Variants in ERICH5 observed in about 807,000 individuals in gnomAD.
The protein encoded by ERICH5 is glutamate rich 5, also known as glutamate-rich protein 5.
In ERICH5, 24 loss-of-function variants were observed where a neutral mutation model predicts 28.0. The observed-to-expected ratio is 0.86, with a 90% CI of 0.62 to 1.21. The LOEUF (loss-of-function observed/expected upper bound fraction) is 1.21. Ranked by LOEUF, ERICH5 falls within the 50% of genes most tolerant of loss-of-function variation. ERICH5 has a pLI of 0.00. For synonymous variants in ERICH5, 163 were observed against 157.6 expected, an observed-to-expected ratio of 1.03 and a Z score of -0.25; for missense variants, 421 against 441.2, an observed-to-expected ratio of 0.95 and a Z score of 0.41.
At chr8:98,066,490 C>T (rs1213305448) in intron 1 of ERICH5, among the ~76,000 whole-genome samples, 1 of 152,160 alleles carries the variant, frequency 6.6e-6, no homozygotes, top group Non-Finnish European at 1.5e-5. Context: ...TTAATCCTCT[C>T]AGAAAATAAT....
chr8:98,078,018 A>G (rs2130518878), intron 1 of ERICH5, among the ~76,000 whole-genome samples: 1 of 152,262 alleles, frequency 6.6e-6, no homozygotes, highest in East Asian at 1.9e-4. Context: ...ATTTTTATTT[A>G]CCCTCAAATC....
At chr8:98,082,872 A>G (rs931603184) in intron 1 of ERICH5, among the ~76,000 whole-genome samples, 1 of 152,214 alleles carries the variant, frequency 6.6e-6, no homozygotes, top group African/African-American at 2.4e-5. Flanking sequence ...CCCTGTCTCA[A>G]CAACGACAAT....
intron 1 of ERICH5, among the ~76,000 whole-genome samples, chr8:98,079,166 C>CCT (rs1815123662): frequency 1.3e-5 from 1 of 75,576 alleles, no homozygotes. Flanking sequence ...TTTTTTTTTC[C>CCT]TTTTTTTTTT....
intron 2 of ERICH5, among the ~76,000 whole-genome samples, 158 bp downstream of exon 2, chr8:98,090,187 G>C (rs1815359105): frequency 6.6e-6 from 1 of 152,194 alleles, no homozygotes; most frequent in South Asian, 2.1e-4. Context: ...GCCTGGGAAA[G>C]AGGCATTCTA....
In ERICH5 at chr8:98,089,399, G is replaced by C. The variant is rs755408926; in HGVS notation, c.382G>C (p.Glu128Gln). 2 of 1,614,232 alleles carry C rather than the reference G, an allele frequency of 1.2e-6. No homozygotes were observed. ...PGGKEDAPAA[E>Q]GKKKDAGAGT... ...TGGCAAAGAGGATGCCCCAGCAGCA[G>C]AAGGAAAGAAGAAAGATGCAGGAGC... The change falls in exon 2 of 3, where the codon GAA (glutamate) becomes CAA (glutamine). Residue 128 changes from glutamate to glutamine, a missense_variant. By Grantham distance (29) the Glu-to-Gln change is conservative. Transcript: ENST00000318528.
chr8:98,065,859 ATGT>A (rs1458193280), intron 1 of ERICH5, among the ~76,000 whole-genome samples: 1 of 152,100 alleles, frequency 6.6e-6, no homozygotes, highest in African/African-American at 2.4e-5. Context: ...TCTTCCTCTG[ATGT>A]TGTTGGTAGA....
chr8:98,092,685 A>G (rs1236431691), intron 2 of ERICH5, among the ~76,000 whole-genome samples: 1 of 152,084 alleles, frequency 6.6e-6, no homozygotes, highest in Non-Finnish European at 1.5e-5. Flanking sequence ...CATTTCTTTC[A>G]TAAGAGTATG....
At chr8:98,091,830 T>TTTTCTTTTTC (rs1554621687) in intron 2 of ERICH5, among the ~76,000 whole-genome samples, 36 of 147,056 alleles carry the variant, frequency 2.4e-4, no homozygotes, top group African/African-American at 8.6e-4. Flanking sequence ...TTTTCTTTCT[T>TTTTCTTTTTC]TTTCTTTTTC....
chr8:98,082,113 A>C (rs541684649), intron 1 of ERICH5, among the ~76,000 whole-genome samples: 3 of 152,238 alleles, frequency 2.0e-5, no homozygotes, highest in African/African-American at 7.2e-5. Flanking sequence ...GCAATTAATC[A>C]ATATAAATTA....
chr8:98,091,838 TTCTTTC>T (rs1299610995), intron 2 of ERICH5, among the ~76,000 whole-genome samples: 16 of 52,096 alleles, frequency 3.1e-4, no homozygotes, highest in South Asian at 7.8e-4. Context: ...CTTTTTCTTT[TTCTTTC>T]TTTCTTTCTT....
At chr8:98,088,501 T>C (rs1220100778) in intron 1 of ERICH5, among the ~76,000 whole-genome samples, 1 of 152,168 alleles carries the variant, frequency 6.6e-6, no homozygotes, top group African/African-American at 2.4e-5. Flanking sequence ...GGCTGAACTG[T>C]CTCTGCTACT....
intron 1 of ERICH5, among the ~76,000 whole-genome samples, chr8:98,081,311 G>A (rs886619714): frequency 1.3e-5 from 2 of 151,912 alleles, no homozygotes; most frequent in Non-Finnish European, 2.9e-5. Flanking sequence ...TCGCCATGTT[G>A]TCCAGGCAGG....
At chr8:98,071,277 C>CA (rs200398660) in intron 1 of ERICH5, among the ~76,000 whole-genome samples, 28 of 149,810 alleles carry the variant, frequency 1.9e-4, no homozygotes, top group Non-Finnish European at 3.1e-4. Context: ...AACTCCCTCT[C>CA]AAAAAAAAAG....
At chr8:98,070,378 C>G (rs555113239) in intron 1 of ERICH5, among the ~76,000 whole-genome samples, 1 of 150,632 alleles carries the variant, frequency 6.6e-6, no homozygotes, top group African/African-American at 2.4e-5. Context: ...AAAAAGAGGC[C>G]GGGCGCAGTG....
rs1172131302 is a variant in ERICH5 at position 98,074,272 on chromosome 8, TG to T, written c.58+9547del. Among the ~76,000 whole-genome samples, 4 of 152,176 alleles carry T rather than the reference TG, an allele frequency of 2.6e-5. No individual in the cohort carries two copies. The East Asian group carries it at 5.8e-4, about 22-fold the overall frequency. ...AATATTAAGTCAATAATAGCACAAA[TG>T]GTAAAGAAATATTCAAAAATCATAA... On this transcript the variant is annotated intron_variant, in intron 1 of 2. Transcript: ENST00000318528.
chr8:98,073,454 ATATATG>A (rs1452489144), intron 1 of ERICH5, among the ~76,000 whole-genome samples: 1 of 9,760 alleles, frequency 1.0e-4, no homozygotes, highest in African/African-American at 8.6e-4. Flanking sequence ...ATATATATAT[ATATATG>A]TATATATATA....
At chr8:98,073,047 G>A (rs529635163) in intron 1 of ERICH5, among the ~76,000 whole-genome samples, 3 of 152,126 alleles carry the variant, frequency 2.0e-5, no homozygotes, top group Admixed American at 1.3e-4. Flanking sequence ...TTGCATTAAT[G>A]TATGGGTATG....
At chr8:98,093,098 C>T (rs1815436603) in intron 2 of ERICH5, 123 bp from the exon 3 acceptor site, 1 of 613,856 alleles carries the variant, frequency 1.6e-6, no homozygotes, top group African/African-American at 1.9e-5. Flanking sequence ...CTTGATACCC[C>T]CAGAGAAACT....
intron 1 of ERICH5, among the ~76,000 whole-genome samples, chr8:98,074,663 A>G (rs1815017887): frequency 6.6e-6 from 1 of 152,082 alleles, no homozygotes; most frequent in Non-Finnish European, 1.5e-5. Context: ...CCTCCCTGCT[A>G]TAATTTTTAA....
Sources: gnomAD v4.1 joint callset for allele counts (sites outside exome capture counted in the v4.1 genomes callset) on GRCh38, gnomAD v4.1.1 for gene constraint, MANE v1.5 for transcripts, NCBI Gene and HGNC (gene_info 2026-07-23, HGNC 2026-07-21) for gene names.